Variants in KSR2 observed in about 807,000 individuals in gnomAD.
KSR2 encodes the protein kinase suppressor of ras 2.
A neutral mutation model predicts 107.8 loss-of-function variants in KSR2; 25 were observed. The observed-to-expected ratio is 0.23, with a 90% CI of 0.17 to 0.32. The LOEUF (loss-of-function observed/expected upper bound fraction) is 0.32, where lower values mean the gene tolerates loss of function less well. Among genes scored for constraint, KSR2 ranks in the 10% least tolerant of loss-of-function variants. The pLI, the probability that KSR2 is intolerant of heterozygous loss-of-function variation, is 1.00. For synonymous variants in KSR2, 480 were observed against 507.0 expected, an observed-to-expected ratio of 0.95 and a Z score of 0.71; for missense variants, 887 against 1,268.9, an observed-to-expected ratio of 0.70 and a Z score of 4.57.
chr12:117,614,462 T>C (rs1881766629), intron 5 of KSR2, among the ~76,000 whole-genome samples: 2 of 152,226 alleles, frequency 1.3e-5, no homozygotes, highest in South Asian at 2.1e-4. Flanking sequence ...TTGGGCTAAA[T>C]GGAAAGTGCT....
At chr12:117,663,211 A>G (rs1007434880) in intron 5 of KSR2, among the ~76,000 whole-genome samples, 2 of 152,344 alleles carry the variant, frequency 1.3e-5, no homozygotes, top group East Asian at 1.9e-4. Flanking sequence ...TGAAGATGAC[A>G]TTGCAATTTC....
intron 1 of KSR2, among the ~76,000 whole-genome samples, chr12:117,966,014 T>TG (rs11379472): frequency 0.99 from 151,016 of 152,274 alleles, 74,887 homozygotes; most frequent in Middle Eastern, 1. Flanking sequence ...TGAAAGTGGT[T>TG]GCATGCTCTG....
intron 4 of KSR2, among the ~76,000 whole-genome samples, chr12:117,721,242 T>C (rs1177163719): frequency 6.6e-6 from 1 of 152,108 alleles, no homozygotes; most frequent in Non-Finnish European, 1.5e-5. Context: ...TGGATACCAA[T>C]GCAATGCAAC....
intron 1 of KSR2, among the ~76,000 whole-genome samples, chr12:117,921,019 A>T (rs1895327443): frequency 6.6e-6 from 1 of 152,310 alleles, no homozygotes; most frequent in South Asian, 2.1e-4. Flanking sequence ...AGGCAATAAC[A>T]GTGTAAGGGT....
intron 1 of KSR2, among the ~76,000 whole-genome samples, chr12:117,947,654 C>A: frequency 6.6e-6 from 1 of 151,940 alleles, no homozygotes; most frequent in East Asian, 1.9e-4. Flanking sequence ...AGAAAAGTTC[C>A]TAGTACTTAT....
chr12:117,473,678 T>C (rs77909356), intron 17 of KSR2, among the ~76,000 whole-genome samples: 1 of 152,216 alleles, frequency 6.6e-6, no homozygotes, highest in Non-Finnish European at 1.5e-5. Context: ...TACAAATGTT[T>C]TCTCACTCAA....
chr12:117,857,042 G>A (rs116047449), intron 2 of KSR2, among the ~76,000 whole-genome samples: 1,727 of 152,098 alleles, frequency 0.011, 44 homozygotes, highest in African/African-American at 0.039. Context: ...GATGACCACG[G>A]ATCTGTTTAT....
chr12:117,755,029 G>C (rs778045972), intron 4 of KSR2, among the ~76,000 whole-genome samples: 1 of 152,162 alleles, frequency 6.6e-6, no homozygotes, highest in Non-Finnish European at 1.5e-5. Context: ...AGGGGTGAAG[G>C]AGAGAAGAAA....
chr12:117,957,603 T>C (rs1896550919), intron 1 of KSR2, among the ~76,000 whole-genome samples: 1 of 152,108 alleles, frequency 6.6e-6, no homozygotes, highest in Non-Finnish European at 1.5e-5. Flanking sequence ...AAATGACCCA[T>C]TCTCTGGGGG....
At chr12:117,854,429 C>T (rs573378039) in intron 3 of KSR2, among the ~76,000 whole-genome samples, 104 of 152,328 alleles carry the variant, frequency 6.8e-4, no homozygotes, top group Middle Eastern at 3.4e-3. Context: ...TTTTGTTCAC[C>T]GCTGCCTTCT....
At chr12:117,966,611 T>TCTCACACA (rs1555262158) in intron 1 of KSR2, among the ~76,000 whole-genome samples, 6 of 77,162 alleles carry the variant, frequency 7.8e-5, no homozygotes, top group African/African-American at 3.0e-4. Context: ...TCTCTCTCTC[T>TCTCACACA]CACACGCGCA....
At chr12:117,485,780 T>C in intron 14 of KSR2, 89 bp from the exon 15 acceptor site, 5 of 868,444 alleles carry the variant, frequency 5.8e-6, no homozygotes, top group East Asian at 2.5e-5. Context: ...AATGATGGCA[T>C]AGACACGTGG....
chr12:117,603,529 T>C (rs1210380148), intron 5 of KSR2, among the ~76,000 whole-genome samples: 1 of 152,214 alleles, frequency 6.6e-6, no homozygotes, highest in African/African-American at 2.4e-5. Context: ...GTTAGTCTTT[T>C]GGCTCTAAAT....
chr12:117,848,834 A>G (rs79771900), intron 3 of KSR2, among the ~76,000 whole-genome samples: 6,744 of 133,732 alleles, frequency 0.05, 356 homozygotes, highest in East Asian at 0.18. Context: ...TGATGGTGGT[A>G]GTGGTGGTGA....
chr12:117,883,901 G>A (rs1271059983), intron 1 of KSR2, among the ~76,000 whole-genome samples: 1 of 147,028 alleles, frequency 6.8e-6, no homozygotes, highest in South Asian at 2.1e-4. Context: ...AAAAGGAAAT[G>A]AGGTCAAAGA....
intron 1 of KSR2, among the ~76,000 whole-genome samples, chr12:117,950,749 A>AAAAAAATAAT (rs1555260902): frequency 7.6e-6 from 1 of 132,166 alleles, no homozygotes; most frequent in South Asian, 2.5e-4. Flanking sequence ...AAAAAAAAAA[A>AAAAAAATAAT]AATAATAATA....
chr12:117,725,082 TCTCACACA>T (rs1429862046), intron 4 of KSR2, among the ~76,000 whole-genome samples: 15 of 139,748 alleles, frequency 1.1e-4, no homozygotes, highest in Admixed American at 3.0e-4. Context: ...TCTCTCTCTC[TCTCACACA>T]CACACACACA....
intron 3 of KSR2, among the ~76,000 whole-genome samples, chr12:117,792,188 A>C (rs1486672158): frequency 6.6e-6 from 1 of 152,014 alleles, no homozygotes; most frequent in Non-Finnish European, 1.5e-5. Flanking sequence ...AAAAAAAATA[A>C]ATAAAAATTA....
chr12:117,534,716 T>G (rs2137267227), intron 10 of KSR2, among the ~76,000 whole-genome samples: 1 of 152,198 alleles, frequency 6.6e-6, no homozygotes, highest in Non-Finnish European at 1.5e-5. Context: ...ATGAGATTAC[T>G]TAAGGATCTT....
Sources: allele counts gnomAD v4.1 joint callset (sites outside exome capture counted in the v4.1 genomes callset), GRCh38; gene constraint gnomAD v4.1.1; transcripts MANE v1.5; gene names NCBI Gene and HGNC (gene_info 2026-07-23, HGNC 2026-07-21).